JADE1: variants seen among roughly 807,000 people sequenced by gnomAD.
JADE1 encodes protein Jade-1.
In JADE1, 14 loss-of-function variants were observed where a neutral mutation model predicts 81.8. That is an observed-to-expected ratio of 0.17 (90% CI 0.11 to 0.27). The LOEUF is 0.27. Ranked by LOEUF, JADE1 falls within the 10% of genes least tolerant of loss-of-function variation. JADE1 has a pLI of 1.00. For missense variants in JADE1, 690 were observed against 1,047.9 expected (o/e 0.66, Z 4.71); for synonymous variants, 353 against 391.9 (o/e 0.90, Z 1.17).
intron 3 of JADE1, among the ~76,000 whole-genome samples, chr4:128,844,094 T>C (rs1729671911): frequency 6.6e-6 from 1 of 152,186 alleles, no homozygotes; most frequent in African/African-American, 2.4e-5. Flanking sequence ...CCAAGGAGTG[T>C]CTCTGCTGCT....
At chr4:128,864,392 T>C (rs1284990752) in intron 9 of JADE1, 1 of 940,002 alleles carries the variant, frequency 1.1e-6, no homozygotes, top group Non-Finnish European at 1.3e-6. Context: ...GTGATCTACC[T>C]GTCTTGGCCT....
intron 6 of JADE1, among the ~76,000 whole-genome samples, chr4:128,853,167 T>C (rs887590189): frequency 6.6e-6 from 1 of 152,172 alleles, no homozygotes; most frequent in Non-Finnish European, 1.5e-5. Context: ...TGAGGCACCG[T>C]GCCCGGTCCA....
At chr4:128,820,523 T>TCTAAA (rs1167575271) in intron 1 of JADE1, among the ~76,000 whole-genome samples, 1 of 152,196 alleles carries the variant, frequency 6.6e-6, no homozygotes, top group Non-Finnish European at 1.5e-5. Flanking sequence ...AGACCTTGCT[T>TCTAAA]CTAGGTTTGA....
intron 7 of JADE1, among the ~76,000 whole-genome samples, chr4:128,856,710 T>C (rs892433878): frequency 5.3e-5 from 8 of 152,180 alleles, no homozygotes; most frequent in African/African-American, 1.7e-4. Context: ...TTGGGTGTGA[T>C]TTTGGTACAT....
At chr4:128,861,664 A>G (rs777911407) in intron 8 of JADE1, 40 bp from the exon 9 acceptor site, 6 of 1,598,222 alleles carry the variant, frequency 3.8e-6, no homozygotes, top group South Asian at 1.1e-5. Context: ...TCATTGCTCT[A>G]TAATGGTCTA....
At chr4:128,865,392 T>C (rs1305480202) in intron 9 of JADE1, among the ~76,000 whole-genome samples, 1 of 152,166 alleles carries the variant, frequency 6.6e-6, no homozygotes, top group Non-Finnish European at 1.5e-5. Flanking sequence ...ATGATCAGGT[T>C]TAAGGTGGTG....
rs1235655710 is a variant in JADE1 at position 128,873,900 on chromosome 4, G to A, written c.*1638G>A. 1.3e-5 allele frequency: 2 copies of A among 152,646 alleles called. No homozygotes were observed. The highest frequency in any genetic ancestry group is 2.4e-5 in the African/African-American group (1 of 41,466). 9.5% of individuals were successfully genotyped at this position (152,646 alleles called of 1,614,324 possible). On this transcript the variant is annotated 3_prime_UTR_variant, in exon 11 of 11. Transcript: ENST00000226319. ...TATTGAATCCCATCTTGCTATGCAA[G>A]TTTTATCAGATGATCAAATAGTAGA... is the stretch of plus-strand genomic sequence containing the variant.
intron 2 of JADE1, among the ~76,000 whole-genome samples, chr4:128,842,127 C>A (rs933908914): frequency 3.3e-5 from 5 of 152,128 alleles, no homozygotes; most frequent in African/African-American, 1.2e-4. Flanking sequence ...GTTTGTTTAC[C>A]TCCCGTCCTC....
At position 128,873,281 on chromosome 4, in the gene JADE1, G is replaced by GAAAAAAAAAAGAAAAAAAA. The variant is rs1395717712; in HGVS notation, c.*1036_*1037insAAAAAAAAAAAAGAAAAAA. 1 of 105,632 alleles carries GAAAAAAAAAAGAAAAAAAA rather than the reference G, an allele frequency of 9.5e-6. No individual in the cohort carries two copies. The allele number at this position is 105,632 out of a possible 1,614,324, so 6.5% of individuals were successfully genotyped here. A position where few individuals can be genotyped will look rare whatever the true frequency, so the allele number is the denominator to read the frequency against. On this transcript the variant is annotated 3_prime_UTR_variant, in exon 11 of 11. Coordinates refer to ENST00000226319, the MANE Select transcript of JADE1 (RefSeq NM_199320.4). The stretch of plus-strand genomic sequence containing the variant: ...GAAAAAAAAAAAAAAAAGAAAAAAA[G>GAAAAAAAAAAGAAAAAAAA]AAAAAAAAAAGAAAAAAGAAAAAAA...
intron 1 of JADE1, among the ~76,000 whole-genome samples, chr4:128,827,497 C>T (rs1396038934): frequency 6.6e-6 from 1 of 152,134 alleles, no homozygotes; most frequent in Non-Finnish European, 1.5e-5. Context: ...AGGGAAGAAG[C>T]CTGGCCCAAC....
In JADE1 at chr4:128,846,330, G is replaced by T. The variant is rs367595438; in HGVS notation, c.139-45G>T. 1.3e-6 allele frequency: 2 copies of T among 1,592,616 alleles called. No individual in the cohort carries two copies. Among genetic ancestry groups the T allele is most frequent in the Non-Finnish European group, 8.6e-7 (1 of 1,162,446 alleles). On this transcript the variant is annotated intron_variant, in intron 3 of 10. Transcript: ENST00000226319. The surrounding 1 kb of genome is among the most constrained non-coding windows in gnomAD (Gnocchi z 4.0). ...TTGCAGCTGCCAGCACTCTGAATAAGAATGCAAATATCAAATGTCAGTGTC... is the reference window on the plus strand; with the variant it reads ...TTGCAGCTGCCAGCACTCTGAATAATAATGCAAATATCAAATGTCAGTGTC...
At chr4:128,820,751 T>C (rs1230709659) in intron 1 of JADE1, among the ~76,000 whole-genome samples, 1 of 152,138 alleles carries the variant, frequency 6.6e-6, no homozygotes, top group Non-Finnish European at 1.5e-5. Context: ...TGGTAACGGA[T>C]AGTTTCTGAC....
At position 128,846,256 on chromosome 4, in the gene JADE1, G is replaced by C; in HGVS notation, c.139-119G>C. The C allele has an allele frequency of 1.3e-5, 13 of 1,032,918 alleles. No individual in the cohort carries two copies. In the South Asian group the frequency reaches 1.6e-4, roughly 13 times the overall value. 64.0% of individuals were successfully genotyped at this position (1,032,918 alleles called of 1,614,324 possible). On this transcript the variant is annotated intron_variant, in intron 3 of 10. Coordinates refer to ENST00000226319, the MANE Select transcript of JADE1 (RefSeq NM_199320.4). The surrounding 1 kb of genome is among the most constrained non-coding windows in gnomAD (Gnocchi z 4.0). Reference sequence around the variant, plus strand: ...AGTTTTTCTGTAATAGGTCAGGCTTGTTCTATGTTGATACAGTGACCTTGT... The same window carrying C: ...AGTTTTTCTGTAATAGGTCAGGCTTCTTCTATGTTGATACAGTGACCTTGT...
At chr4:128,867,583 T>C (rs1169590630) in intron 9 of JADE1, among the ~76,000 whole-genome samples, 1 of 152,212 alleles carries the variant, frequency 6.6e-6, no homozygotes, top group African/African-American at 2.4e-5. Flanking sequence ...GGCAGGACTT[T>C]TGTAGGAGTT....
At chr4:128,823,697 T>C (rs1464215005) in intron 1 of JADE1, among the ~76,000 whole-genome samples, 2 of 152,218 alleles carry the variant, frequency 1.3e-5, no homozygotes, top group Non-Finnish European at 2.9e-5. Flanking sequence ...CGCTTAAGAG[T>C]TAAGCTATTT....
Position 128,851,671 on chromosome 4 carries a change from T to C in JADE1, c.485-386T>C, listed in dbSNP as rs531612098. 5.3e-5 allele frequency among the ~76,000 whole-genome samples: 8 copies of C among 152,208 alleles called. No homozygotes were observed. In the East Asian group the frequency reaches 1.6e-3, roughly 30 times the overall value. The stretch of plus-strand genomic sequence containing the variant: ...AGAGATGGATGCATCGATGGGTTGA[T>C]TGATTGATAGATTGAGACACGGTCT... On this transcript the variant is annotated intron_variant, in intron 5 of 10. Coordinates refer to ENST00000226319, the MANE Select transcript of JADE1 (RefSeq NM_199320.4).
intron 1 of JADE1, among the ~76,000 whole-genome samples, chr4:128,815,986 G>C (rs1726997368): frequency 6.6e-6 from 1 of 150,780 alleles, no homozygotes; most frequent in Admixed American, 6.6e-5. Context: ...CAAGCCTTTA[G>C]AGAATTGGCA....
intron 10 of JADE1, 95 bp downstream of exon 10, chr4:128,868,068 T>C (rs1047052974): frequency 7.8e-6 from 5 of 643,580 alleles, no homozygotes; most frequent in African/African-American, 7.3e-5. Context: ...AATTTTCTTA[T>C]AGAAGAATTT....
intron 1 of JADE1, among the ~76,000 whole-genome samples, chr4:128,823,007 A>G (rs868575617): frequency 1.5e-4 from 23 of 152,206 alleles, no homozygotes; most frequent in Admixed American, 6.5e-4. Flanking sequence ...ATTTAGATCT[A>G]ACAGAAAAGA....
Sources: allele counts gnomAD v4.1 joint callset (sites outside exome capture counted in the v4.1 genomes callset), GRCh38; gene constraint gnomAD v4.1.1; non-coding constraint Gnocchi (gnomAD v3.1); transcripts MANE v1.5; gene names NCBI Gene and HGNC (gene_info 2026-07-23, HGNC 2026-07-21).